Variants in MYO3B observed in about 807,000 individuals in gnomAD.
MYO3B encodes the protein myosin IIIB.
A neutral mutation model predicts 174.6 loss-of-function variants in MYO3B; 156 were observed. That is an observed-to-expected ratio of 0.89 (90% CI 0.78 to 1.02). MYO3B has a LOEUF of 1.02. MYO3B is among the 50% of genes least tolerant of loss of function. The probability of loss-of-function intolerance (pLI) is 0.00; values close to 1 mark genes in which losing one functional copy is unlikely to be tolerated. For synonymous variants in MYO3B, 563 were observed against 569.1 expected, an observed-to-expected ratio of 0.99 and a Z score of 0.15; for missense variants, 1,632 against 1,639.4, an observed-to-expected ratio of 1.00 and a Z score of 0.08.
intron 9 of MYO3B, among the ~76,000 whole-genome samples, chr2:170,374,429 T>C (rs1474945940): frequency 6.6e-6 from 1 of 152,080 alleles, no homozygotes; most frequent in Admixed American, 6.6e-5. Context: ...TTTTGATAGA[T>C]AATTAGGAAC....
chr2:170,251,616 G>A (rs1472966280), intron 7 of MYO3B, among the ~76,000 whole-genome samples: 1 of 152,168 alleles, frequency 6.6e-6, no homozygotes, highest in African/African-American at 2.4e-5. Context: ...GAACGCCTGG[G>A]CTACCAGAAG....
rs540223576 is a variant in MYO3B, at chr2:170,444,595, G to A, written c.2730+549G>A. Among the ~76,000 whole-genome samples the A allele has an allele frequency of 3.9e-5, 6 of 152,162 alleles. No individual in the cohort carries two copies. In the East Asian group the frequency reaches 7.7e-4, roughly 20 times the overall value. On this transcript the variant is annotated intron_variant, in intron 23 of 34. Coordinates refer to ENST00000408978, the MANE Select transcript of MYO3B (RefSeq NM_138995.5). ...AGGTGTTGGAGTAAAGGCTGGTCAC[G>A]TTTCTGAATTTTCTTATCTTTTGGT...
chr2:170,225,346 C>T (rs925626716), intron 6 of MYO3B, among the ~76,000 whole-genome samples: 1 of 152,150 alleles, frequency 6.6e-6, no homozygotes, highest in African/African-American at 2.4e-5. Context: ...CTCCAAAGTC[C>T]TTACTTTTAA....
intron 8 of MYO3B, among the ~76,000 whole-genome samples, chr2:170,357,035 A>C (rs928162459): frequency 2.6e-5 from 4 of 152,164 alleles, no homozygotes; most frequent in Admixed American, 2.6e-4. Flanking sequence ...TTCCTGGCTC[A>C]GCCTCCCAAA....
chr2:170,396,841 G>A (rs2094444606), intron 16 of MYO3B, among the ~76,000 whole-genome samples: 1 of 152,062 alleles, frequency 6.6e-6, no homozygotes, highest in Non-Finnish European at 1.5e-5. Flanking sequence ...GAGAGAGAGA[G>A]TCTTTGTGTG....
In MYO3B at chr2:170,479,643, A is replaced by G. The variant is rs535793174; in HGVS notation, c.3014+12932A>G. ...ATAAATATATAGGTTTTATATATACATATATATAACAGATGTTACATATAC... is the reference window on the plus strand; with the variant it reads ...ATAAATATATAGGTTTTATATATACGTATATATAACAGATGTTACATATAC... On this transcript the variant is annotated intron_variant, in intron 25 of 34. Transcript: ENST00000408978. Among the ~76,000 whole-genome samples the G allele has an allele frequency of 3.4e-5, 5 of 146,478 alleles. No individual in the cohort carries two copies. The East Asian group carries it at 8.1e-4, about 24-fold the overall frequency.
At chr2:170,544,912 T>C (rs1323217652) in intron 32 of MYO3B, among the ~76,000 whole-genome samples, 1 of 152,094 alleles carries the variant, frequency 6.6e-6, no homozygotes, top group Non-Finnish European at 1.5e-5. Flanking sequence ...GGGGTAAAAG[T>C]AGTACAAAAA....
At chr2:170,530,368 C>T (rs1301553807) in intron 30 of MYO3B, among the ~76,000 whole-genome samples, 2 of 152,314 alleles carry the variant, frequency 1.3e-5, no homozygotes, top group South Asian at 2.1e-4. Context: ...CAGACCCTCC[C>T]GGGAGAGCTC....
intron 32 of MYO3B, among the ~76,000 whole-genome samples, chr2:170,646,302 G>C (rs889931807): frequency 2.6e-5 from 4 of 151,524 alleles, no homozygotes; most frequent in African/African-American, 9.7e-5. Flanking sequence ...ATGTCTGTCT[G>C]TCTTCATACA....
chr2:170,238,040 G>C (rs76109776), intron 7 of MYO3B, among the ~76,000 whole-genome samples: 1 of 152,066 alleles, frequency 6.6e-6, no homozygotes, highest in African/African-American at 2.4e-5. Context: ...GCATATTTAC[G>C]TACATTGTAC....
At chr2:170,278,601 T>C (rs1012749090) in intron 7 of MYO3B, among the ~76,000 whole-genome samples, 2 of 152,184 alleles carry the variant, frequency 1.3e-5, no homozygotes, top group African/African-American at 4.8e-5. Context: ...TATAATTTTA[T>C]GTGTTGAGAA....
At chr2:170,535,283 C>G (rs1406087676) in intron 30 of MYO3B, among the ~76,000 whole-genome samples, 1 of 152,188 alleles carries the variant, frequency 6.6e-6, no homozygotes, top group African/African-American at 2.4e-5. Context: ...CCTTATATTG[C>G]ATGTGTCATA....
chr2:170,615,509 G>A (rs1217656565), intron 32 of MYO3B, among the ~76,000 whole-genome samples: 2 of 152,260 alleles, frequency 1.3e-5, no homozygotes, highest in Non-Finnish European at 2.9e-5. Flanking sequence ...AAGGAAGTCA[G>A]TGTAGACAGA....
chr2:170,404,178 T>A, intron 19 of MYO3B, 69 bp from the exon 20 acceptor site: 2 of 1,478,184 alleles, frequency 1.4e-6, no homozygotes, highest in Non-Finnish European at 1.8e-6. Flanking sequence ...AGAAAGTCCA[T>A]GTCAAAGTAT....
At chr2:170,576,724 G>A (rs921569321) in intron 32 of MYO3B, among the ~76,000 whole-genome samples, 1 of 152,166 alleles carries the variant, frequency 6.6e-6, no homozygotes, top group Non-Finnish European at 1.5e-5. Context: ...AAGTGAAATG[G>A]TCACAAAGCA....
At chr2:170,532,395 A>G (rs1234300017) in intron 30 of MYO3B, among the ~76,000 whole-genome samples, 1 of 152,228 alleles carries the variant, frequency 6.6e-6, no homozygotes, top group Non-Finnish European at 1.5e-5. Context: ...AAAAATCTGA[A>G]TACAATCTGT....
intron 7 of MYO3B, among the ~76,000 whole-genome samples, chr2:170,254,170 C>T (rs187221896): frequency 4.3e-4 from 66 of 152,154 alleles, no homozygotes; most frequent in African/African-American, 1.5e-3. Flanking sequence ...ACTACACTCC[C>T]GCCACAAACT....
At chr2:170,180,411 A>C (rs2092383724) in intron 1 of MYO3B, among the ~76,000 whole-genome samples, 2 of 152,044 alleles carry the variant, frequency 1.3e-5, no homozygotes, top group African/African-American at 4.8e-5. Flanking sequence ...CAGTGAACCC[A>C]CTCACTAATC....
chr2:170,631,640 A>C (rs939241337), intron 32 of MYO3B, among the ~76,000 whole-genome samples: 10 of 152,094 alleles, frequency 6.6e-5, no homozygotes, highest in Non-Finnish European at 1.3e-4. Flanking sequence ...AAAAATGTTA[A>C]GGGCAGCCAG....
Sources: gnomAD v4.1 joint callset for allele counts (sites outside exome capture counted in the v4.1 genomes callset) on GRCh38, gnomAD v4.1.1 for gene constraint, MANE v1.5 for transcripts, NCBI Gene and HGNC (gene_info 2026-07-23, HGNC 2026-07-21) for gene names.